Variants in FREM1 observed in about 807,000 individuals in gnomAD.
FREM1 encodes the protein FRAS1 related extracellular matrix 1.
In FREM1, 220 loss-of-function variants were observed where a neutral mutation model predicts 210.1. The observed-to-expected ratio is 1.05, with a 90% CI of 0.94 to 1.17. FREM1 has a LOEUF of 1.17. Ranked by LOEUF, FREM1 falls within the 50% of genes most tolerant of loss-of-function variation. The pLI is 0.00. For synonymous variants in FREM1, 1,189 were observed against 980.2 expected (o/e 1.21, Z -3.98); for missense variants, 3,454 against 2,675.5 (o/e 1.29, Z -6.42).
chr9:14,810,815 C>T (rs1275166867), intron 16 of FREM1, among the ~76,000 whole-genome samples: 2 of 152,186 alleles, frequency 1.3e-5, no homozygotes, highest in African/African-American at 4.8e-5. Flanking sequence ...GAATAAAATA[C>T]TATAATACTG....
At chr9:14,892,262 A>G (rs569272915) in intron 1 of FREM1, among the ~76,000 whole-genome samples, 14 of 152,314 alleles carry the variant, frequency 9.2e-5, no homozygotes, top group African/African-American at 3.4e-4. Flanking sequence ...CAAAGGGATG[A>G]TACTGAAGAG....
intron 19 of FREM1, 28 bp from the exon 20 acceptor site, chr9:14,801,902 A>T (rs1272776071): frequency 2.0e-6 from 3 of 1,513,226 alleles, no homozygotes; most frequent in Non-Finnish European, 2.7e-6. Flanking sequence ...AGAAAAGTCA[A>T]CAATGCATAA....
At chr9:14,902,210 T>C (rs191524624) in intron 1 of FREM1, among the ~76,000 whole-genome samples, 1 of 152,298 alleles carries the variant, frequency 6.6e-6, no homozygotes, top group East Asian at 1.9e-4. Context: ...CTTAAAGTCT[T>C]AATGCCAGAT....
rs1826529902 is a variant in FREM1 at position 14,845,982 on chromosome 9, C to T, written c.1371G>A (p.Gln457=). ...CACCTCTTAAAGTCAGCCATCCATG[C>T]TGCAGGCCACCAACGGTGACTAGCC... ...AVRLVTVGGL[Q]HGWLTLRGGK... is the part of the protein sequence containing the mutation. Residue 457 remains glutamine (Q), a synonymous_variant, in exon 8 of 37, where the codon CAG becomes CAA. Coordinates refer to ENST00000380880, the MANE Select transcript of FREM1 (RefSeq NM_001379081.2). 9 of 1,613,624 alleles carry T rather than the reference C, an allele frequency of 5.6e-6. No individual in the cohort carries two copies. Among genetic ancestry groups the T allele is most frequent in the Non-Finnish European group, 6.8e-6 (8 of 1,179,710 alleles).
intron 35 of FREM1, among the ~76,000 whole-genome samples, chr9:14,746,073 A>G (rs936167075): frequency 6.6e-6 from 1 of 152,228 alleles, no homozygotes; most frequent in African/African-American, 2.4e-5. Context: ...AAACATGGCA[A>G]TGGTGCAGCT....
intron 1 of FREM1, among the ~76,000 whole-genome samples, chr9:14,890,833 T>G (rs922882632): frequency 1.3e-5 from 2 of 152,226 alleles, no homozygotes; most frequent in Non-Finnish European, 2.9e-5. Flanking sequence ...GTTCTGTTTT[T>G]AATGACTATC....
At chr9:14,762,910 A>G (rs145789284) in intron 27 of FREM1, among the ~76,000 whole-genome samples, 107 of 152,298 alleles carry the variant, frequency 7.0e-4, no homozygotes, top group African/African-American at 2.4e-3. Flanking sequence ...CCACACAGCT[A>G]TATGCCTGGC....
intron 23 of FREM1, among the ~76,000 whole-genome samples, chr9:14,788,655 T>C (rs1263540384): frequency 1.3e-5 from 2 of 152,210 alleles, no homozygotes; most frequent in South Asian, 2.1e-4. Flanking sequence ...AAGTAGCCTG[T>C]ATAGCCATAT....
At chr9:14,862,429 T>C (rs1830752551) in intron 3 of FREM1, among the ~76,000 whole-genome samples, 1 of 152,220 alleles carries the variant, frequency 6.6e-6, no homozygotes, top group Admixed American at 6.5e-5. Context: ...CTACTCCACA[T>C]ACATCAGTTC....
intron 1 of FREM1, among the ~76,000 whole-genome samples, chr9:14,907,112 A>G (rs1450222999): frequency 6.6e-6 from 1 of 152,192 alleles, no homozygotes; most frequent in African/African-American, 2.4e-5. Context: ...GAGGCAAAGA[A>G]CATTTGTTTA....
intron 25 of FREM1, among the ~76,000 whole-genome samples, chr9:14,772,091 A>G (rs1847667812): frequency 6.6e-6 from 1 of 151,734 alleles, no homozygotes; most frequent in African/African-American, 2.4e-5. Flanking sequence ...TTTCCTCTCA[A>G]ATTGGCAAGA....
chr9:14,879,997 T>A (rs1171883712), intron 1 of FREM1, among the ~76,000 whole-genome samples: 1 of 152,022 alleles, frequency 6.6e-6, no homozygotes, highest in Non-Finnish European at 1.5e-5. Context: ...TGTGATGGGA[T>A]TAGGAGGTAG....
intron 27 of FREM1, among the ~76,000 whole-genome samples, chr9:14,764,786 T>C (rs1846096313): frequency 6.6e-6 from 1 of 152,192 alleles, no homozygotes; most frequent in Admixed American, 6.5e-5. Flanking sequence ...CTTTCTGATA[T>C]TTTATTTTCT....
chr9:14,828,638 C>CGG (rs67204004), intron 10 of FREM1, among the ~76,000 whole-genome samples: 5,899 of 74,612 alleles, frequency 0.079, 506 homozygotes, highest in African/African-American at 0.15. Flanking sequence ...TAAATTGTGG[C>CGG]GGGGCGGGGG....
intron 1 of FREM1, among the ~76,000 whole-genome samples, chr9:14,885,136 G>C (rs1835575063): frequency 6.6e-6 from 1 of 151,620 alleles, no homozygotes; most frequent in Non-Finnish European, 1.5e-5. Flanking sequence ...GTGTTAGCCA[G>C]AATGGTCTCG....
At position 14,875,570 on chromosome 9, in the gene FREM1, A is replaced by G. The variant is rs920292650; in HGVS notation, c.-267-6326T>C. Among the ~76,000 whole-genome samples the G allele has an allele frequency of 6.6e-5, 10 of 152,268 alleles. No homozygotes were observed. The South Asian group carries it at 1.2e-3, about 19-fold the overall frequency. Reference sequence around the variant, plus strand: ...TCTGTATTGGTTATTCTAGTTACACATTCGTCTAAATTTTTTTTAAAGTTT... The same window carrying G: ...TCTGTATTGGTTATTCTAGTTACACGTTCGTCTAAATTTTTTTTAAAGTTT... On this transcript the variant is annotated intron_variant, in intron 1 of 36. Coordinates refer to ENST00000380880, the MANE Select transcript of FREM1 (RefSeq NM_001379081.2).
intron 1 of FREM1, among the ~76,000 whole-genome samples, chr9:14,893,361 G>C (rs986014074): frequency 6.6e-6 from 1 of 152,244 alleles, no homozygotes; most frequent in Middle Eastern, 3.4e-3. Flanking sequence ...GATAGAATGC[G>C]GGCCTAGGAC....
intron 10 of FREM1, among the ~76,000 whole-genome samples, chr9:14,837,466 T>TAC (rs35667419): frequency 0.25 from 37,477 of 148,784 alleles, 4,778 homozygotes; most frequent in South Asian, 0.33. Flanking sequence ...CACATACACA[T>TAC]ACACACACAC....
At chr9:14,804,510 G>T (rs556694571) in intron 19 of FREM1, among the ~76,000 whole-genome samples, 1 of 152,080 alleles carries the variant, frequency 6.6e-6, no homozygotes, top group Admixed American at 6.5e-5. Flanking sequence ...GCGTGAACCC[G>T]GGGGGCGGAG....
Sources: gnomAD v4.1 joint callset for allele counts (sites outside exome capture counted in the v4.1 genomes callset) on GRCh38, gnomAD v4.1.1 for gene constraint, MANE v1.5 for transcripts, NCBI Gene and HGNC (gene_info 2026-07-23, HGNC 2026-07-21) for gene names.